The following FGD6 variants were observed in gnomAD, a reference collection of about 807,000 sequenced individuals.
FGD6 encodes the protein FYVE, RhoGEF and PH domain containing 6.
Under a neutral mutation model 149.4 loss-of-function variants are expected in FGD6, and 90 were observed. That is an observed-to-expected ratio of 0.60 (90% CI 0.51 to 0.72). The LOEUF (loss-of-function observed/expected upper bound fraction) is 0.72. FGD6 is among the 30% of genes least tolerant of loss of function. The probability of loss-of-function intolerance (pLI) is 0.00; values close to 1 mark genes in which losing one functional copy is unlikely to be tolerated. For missense variants in FGD6, 1,437 were observed against 1,684.8 expected (o/e 0.85, Z 2.57); for synonymous variants, 527 against 584.0 (o/e 0.90, Z 1.41).
chr12:95,087,916 C>T (rs1350450675), intron 18 of FGD6, among the ~76,000 whole-genome samples: 5 of 151,700 alleles, frequency 3.3e-5, no homozygotes, highest in Admixed American at 3.3e-4. Flanking sequence ...AGAATTGTTT[C>T]CTATCTCAGT....
intron 5 of FGD6, among the ~76,000 whole-genome samples, 191 bp from the exon 6 acceptor site, chr12:95,141,730 G>A (rs928277728): frequency 6.6e-6 from 1 of 151,938 alleles, no homozygotes. Context: ...ATAAAAAATA[G>A]TGAGACGATT....
chr12:95,109,533 G>A (rs1233196061), intron 9 of FGD6, among the ~76,000 whole-genome samples: 1 of 151,450 alleles, frequency 6.6e-6, no homozygotes, highest in Non-Finnish European at 1.5e-5. Flanking sequence ...TGAGGCTGCT[G>A]TGGCAGTGAC....
chr12:95,129,291 G>GCATGCATGCATGCATCCATC (rs1565903431), intron 8 of FGD6, among the ~76,000 whole-genome samples: 37 of 142,372 alleles, frequency 2.6e-4, no homozygotes, highest in Non-Finnish European at 4.4e-4. Flanking sequence ...ATGCATCCAT[G>GCATGCATGCATGCATCCATC]CATCCATGCA....
At chr12:95,211,401 T>C in intron 1 of FGD6, 134 bp from the exon 2 acceptor site, 1 of 1,010,430 alleles carries the variant, frequency 9.9e-7, no homozygotes. Context: ...TTATATAGTA[T>C]CAATATTACT....
intron 5 of FGD6, among the ~76,000 whole-genome samples, chr12:95,148,436 A>C (rs1880077009): frequency 6.8e-6 from 1 of 147,698 alleles, no homozygotes; most frequent in Non-Finnish European, 1.5e-5. Context: ...ATGCTTCATT[A>C]CTAATACTAT....
intron 6 of FGD6, among the ~76,000 whole-genome samples, chr12:95,141,129 A>G (rs895437917): frequency 2.0e-5 from 3 of 152,166 alleles, no homozygotes; most frequent in Non-Finnish European, 2.9e-5. Flanking sequence ...AGGCTGAGGC[A>G]GAAGAAACGC....
intron 2 of FGD6, among the ~76,000 whole-genome samples, chr12:95,193,960 G>A (rs1355633138): frequency 6.6e-6 from 1 of 151,662 alleles, no homozygotes; most frequent in East Asian, 1.9e-4. Flanking sequence ...TGGAGACAGG[G>A]TCTCACTCTG....
intron 20 of FGD6, among the ~76,000 whole-genome samples, chr12:95,081,907 T>C (rs1207939430): frequency 6.6e-6 from 1 of 152,030 alleles, no homozygotes; most frequent in South Asian, 2.1e-4. Context: ...CCCGACCTCA[T>C]GTGATCGGCC....
intron 2 of FGD6, among the ~76,000 whole-genome samples, chr12:95,187,875 C>T (rs1162163870): frequency 6.6e-6 from 1 of 152,128 alleles, no homozygotes; most frequent in African/African-American, 2.4e-5. Context: ...TATCCTGAAG[C>T]TCAGAATAAC....
chr12:95,124,299 C>T lies in FGD6; in HGVS notation c.3082+10440G>A, dbSNP rs79306750. Among the ~76,000 whole-genome samples, 1,353 of 152,270 alleles carry T rather than the reference C, an allele frequency of 8.9e-3. 21 individuals are homozygous for T. The highest frequency in any genetic ancestry group is 0.031 in the African/African-American group (1,279 of 41,552). On this transcript the variant is annotated intron_variant, in intron 8 of 20. Transcript: ENST00000343958. ...TAAGTGTACGGAAATGGCCTTGGCA[C>T]AGTCGAGCCACACTTAAAAGAAGCT...
intron 8 of FGD6, among the ~76,000 whole-genome samples, chr12:95,118,093 G>A (rs1302117326): frequency 6.6e-6 from 1 of 152,118 alleles, no homozygotes; most frequent in Non-Finnish European, 1.5e-5. Context: ...GCTCATGCCT[G>A]TAATCCCAGT....
chr12:95,193,420 T>C (rs981766352), intron 2 of FGD6, among the ~76,000 whole-genome samples: 3 of 151,822 alleles, frequency 2.0e-5, no homozygotes, highest in Non-Finnish European at 4.4e-5. Flanking sequence ...TGCAACAGCA[T>C]GATCTCAGCT....
chr12:95,141,299 T>C lies in FGD6; in HGVS notation c.2837+89A>G, dbSNP rs574336595. 3 of 1,312,144 alleles carry C rather than the reference T, an allele frequency of 2.3e-6. No homozygotes were observed. The African/African-American group carries it at 4.4e-5, about 19-fold the overall frequency. The allele number at this position is 1,312,144 out of a possible 1,614,324, so 81.3% of individuals were successfully genotyped here. A position where few individuals can be genotyped will look rare whatever the true frequency, so the allele number is the denominator to read the frequency against. ...AATATATTCAAACAACTCAATGTAA[T>C]GAAAATATATCTCTGTCACATGTGG... On this transcript the variant is annotated intron_variant, in intron 6 of 20. Transcript: ENST00000343958.
Position 95,108,414 on chromosome 12 carries a change from G to A in FGD6, c.3198C>T (p.Asn1066=). The A allele has an allele frequency of 1.9e-6, 3 of 1,614,128 alleles. No individual in the cohort carries two copies. Among genetic ancestry groups the A allele is most frequent in the East Asian group, 2.2e-5 (1 of 44,880 alleles). Residue 1066 remains asparagine (N), a synonymous_variant, in exon 11 of 21, where the codon AAC becomes AAT. Transcript: ENST00000343958. ...ACTGAATTTGCATAAGTTTCTGAAA[G>A]TTGTCCTACAGAAAGACAATGGAAA... The part of the protein sequence containing the change: ...HANDTMKQGD[N]FQKLMQIQYS...
In FGD6 at chr12:95,078,619, C is replaced by T. The variant is rs933412473; in HGVS notation, c.*2901G>A. On this transcript the variant is annotated 3_prime_UTR_variant, in exon 21 of 21. Transcript: ENST00000343958. ...TCAAGAATCTTGGGCAACCAAAATA[C>T]AATAGGGGGATGCTGGGTACATTAC... 4.6e-5 allele frequency: 7 copies of T among 152,110 alleles called. No homozygotes were observed. The highest frequency in any genetic ancestry group is 1.7e-4 in the African/African-American group (7 of 41,414). The allele number at this position is 152,110 out of a possible 1,614,324, so 9.4% of individuals were successfully genotyped here.
intron 13 of FGD6, among the ~76,000 whole-genome samples, chr12:95,105,991 CAG>C (rs894262705): frequency 3.9e-5 from 6 of 152,122 alleles, no homozygotes; most frequent in Admixed American, 3.3e-4. Context: ...GCCTGGGTAA[CAG>C]AGTGAGACTC....
intron 1 of FGD6, among the ~76,000 whole-genome samples, chr12:95,213,354 G>A (rs2056737334): frequency 1.3e-5 from 2 of 152,146 alleles, no homozygotes; most frequent in Admixed American, 1.3e-4. Context: ...CAAGGTGGGA[G>A]GATTGCTTGA....
At chr12:95,183,892 C>T (rs1305663111) in intron 2 of FGD6, among the ~76,000 whole-genome samples, 1 of 152,062 alleles carries the variant, frequency 6.6e-6, no homozygotes. Context: ...TGTCTGGGAT[C>T]GCGAGGTACA....
At position 95,085,763 on chromosome 12, in the gene FGD6, T is replaced by A. The variant is rs761572416; in HGVS notation, c.4107+17A>T. The A allele has an allele frequency of 1.4e-5, 22 of 1,589,284 alleles. No homozygotes were observed. In the Admixed American group the frequency reaches 3.6e-4, roughly 26 times the overall value. On this transcript the variant is annotated intron_variant, in intron 19 of 20. Coordinates refer to ENST00000343958, the MANE Select transcript of FGD6 (RefSeq NM_018351.4). ...TACAAAACCCCAAATTACTCATCTTTAGATTTCAGATCTTACCTCACTTGC... is the reference window on the plus strand; with the variant it reads ...TACAAAACCCCAAATTACTCATCTTAAGATTTCAGATCTTACCTCACTTGC...
Sources: allele counts gnomAD v4.1 joint callset (sites outside exome capture counted in the v4.1 genomes callset), GRCh38; gene constraint gnomAD v4.1.1; transcripts MANE v1.5; gene names NCBI Gene and HGNC (gene_info 2026-07-23, HGNC 2026-07-21).